AGBL4: variants seen among roughly 807,000 people sequenced by gnomAD.
The protein encoded by AGBL4 is AGBL carboxypeptidase 4.
A neutral mutation model predicts 66.4 loss-of-function variants in AGBL4; 58 were observed. The observed-to-expected ratio is 0.87, with a 90% CI of 0.71 to 1.09. The LOEUF (loss-of-function observed/expected upper bound fraction) is 1.09. Among genes scored for constraint, AGBL4 ranks in the 50% least tolerant of loss-of-function variants. The probability of loss-of-function intolerance (pLI) is 0.00; values close to 1 mark genes in which losing one functional copy is unlikely to be tolerated. For missense variants in AGBL4, 579 were observed against 631.0 expected (o/e 0.92, Z 0.88); for synonymous variants, 234 against 222.9 (o/e 1.05, Z -0.44).
At chr1:48,952,335 G>A (rs576797449) in intron 5 of AGBL4, among the ~76,000 whole-genome samples, 4 of 152,284 alleles carry the variant, frequency 2.6e-5, no homozygotes, top group South Asian at 4.1e-4. Flanking sequence ...TTCTAATACA[G>A]AGTAGAGGAA....
chr1:49,911,283 T>G (rs184148374), intron 1 of AGBL4, among the ~76,000 whole-genome samples: 6 of 152,230 alleles, frequency 3.9e-5, no homozygotes, highest in Admixed American at 6.5e-5. Context: ...AAGAAATACA[T>G]TATTTCTGTG....
chr1:49,464,955 T>C (rs1480589219), intron 3 of AGBL4, among the ~76,000 whole-genome samples: 2 of 151,570 alleles, frequency 1.3e-5, no homozygotes, highest in African/African-American at 4.8e-5. Flanking sequence ...AGGTACTGGA[T>C]AGGTTTCTAT....
intron 3 of AGBL4, among the ~76,000 whole-genome samples, chr1:49,376,465 G>GT (rs1638753632): frequency 6.6e-6 from 1 of 152,032 alleles, no homozygotes; most frequent in Admixed American, 6.6e-5. Context: ...ACATAAAAGA[G>GT]TTGTTACAGT....
At chr1:49,736,749 G>C (rs1215617645) in intron 2 of AGBL4, among the ~76,000 whole-genome samples, 1 of 151,632 alleles carries the variant, frequency 6.6e-6, no homozygotes, top group Admixed American at 6.6e-5. Context: ...AATGGGAGAA[G>C]ATACTTGCAA....
At chr1:49,403,500 A>G (rs1447993763) in intron 3 of AGBL4, among the ~76,000 whole-genome samples, 2 of 152,148 alleles carry the variant, frequency 1.3e-5, no homozygotes, top group African/African-American at 4.8e-5. Context: ...CTTCTCTGTT[A>G]TCTTGGATTT....
chr1:48,556,098 T>G (rs1230307434), intron 11 of AGBL4, among the ~76,000 whole-genome samples: 2 of 152,160 alleles, frequency 1.3e-5, no homozygotes, highest in Admixed American at 6.5e-5. Flanking sequence ...ATAGTGAATC[T>G]CCATTAAAAG....
chr1:49,877,457 A>G (rs1647051605), intron 1 of AGBL4, among the ~76,000 whole-genome samples: 1 of 151,698 alleles, frequency 6.6e-6, no homozygotes, highest in Non-Finnish European at 1.5e-5. Context: ...ATGCTGGATT[A>G]CATTTATTGA....
At chr1:49,839,657 G>C (rs1645939302) in intron 2 of AGBL4, among the ~76,000 whole-genome samples, 1 of 152,158 alleles carries the variant, frequency 6.6e-6, no homozygotes, top group African/African-American at 2.4e-5. Context: ...ACCAGAGAGA[G>C]GTGGAGTAGT....
At chr1:48,776,388 G>A (rs1270983113) in intron 6 of AGBL4, among the ~76,000 whole-genome samples, 1 of 152,186 alleles carries the variant, frequency 6.6e-6, no homozygotes, top group Non-Finnish European at 1.5e-5. Context: ...GGGAGCTTCG[G>A]GGAAGCGGGG....
At chr1:49,598,894 G>A (rs1456488138) in intron 3 of AGBL4, among the ~76,000 whole-genome samples, 1 of 152,112 alleles carries the variant, frequency 6.6e-6, no homozygotes, top group African/African-American at 2.4e-5. Context: ...TTTATGTGAT[G>A]GATTACATTT....
At position 48,736,313 on chromosome 1, in the gene AGBL4, C is replaced by T; in HGVS notation, c.635-73072G>A. ...ATCTTTCTTTTTTTTTGTGGCGACG[C>T]CTGTGACGCTTCTGTTTTTCAGAAC... On this transcript the variant is annotated intron_variant, in intron 6 of 13. Transcript: ENST00000371839. The surrounding 1 kb of genome is among the most constrained non-coding windows in gnomAD (Gnocchi z 4.0). 1 of 1,614,084 alleles carries T rather than the reference C, an allele frequency of 6.2e-7. No individual in the cohort carries two copies. The highest frequency in any genetic ancestry group is 8.5e-7 in the Non-Finnish European group (1 of 1,180,012).
At chr1:49,622,645 A>G (rs1295950129) in intron 3 of AGBL4, among the ~76,000 whole-genome samples, 11 of 150,862 alleles carry the variant, frequency 7.3e-5, no homozygotes, top group Non-Finnish European at 1.2e-4. Context: ...AAAAAAAAAA[A>G]AAAAAAAAAG....
intron 3 of AGBL4, among the ~76,000 whole-genome samples, chr1:49,401,333 T>C (rs184051186): frequency 6.6e-6 from 1 of 152,166 alleles, no homozygotes; most frequent in African/African-American, 2.4e-5. Flanking sequence ...TGTCTCCACC[T>C]GGTCTCATCC....
At chr1:48,751,203 C>T (rs146439229) in intron 6 of AGBL4, among the ~76,000 whole-genome samples, 29 of 152,244 alleles carry the variant, frequency 1.9e-4, no homozygotes, top group Middle Eastern at 3.4e-3. Flanking sequence ...TATCTTGAGG[C>T]CATGTTGCCT....
intron 3 of AGBL4, among the ~76,000 whole-genome samples, chr1:49,271,558 A>C (rs980447726): frequency 6.6e-6 from 1 of 151,678 alleles, no homozygotes; most frequent in African/African-American, 2.4e-5. Flanking sequence ...ACACACGTAC[A>C]TATACATATC....
intron 3 of AGBL4, among the ~76,000 whole-genome samples, chr1:49,662,109 G>A (rs977006048): frequency 6.6e-6 from 1 of 151,206 alleles, no homozygotes; most frequent in African/African-American, 2.4e-5. Flanking sequence ...CTATAACATG[G>A]GTGGAGGAGG....
chr1:48,597,614 A>C (rs1471464219), intron 9 of AGBL4, among the ~76,000 whole-genome samples: 3 of 151,456 alleles, frequency 2.0e-5, no homozygotes, highest in South Asian at 2.1e-4. Flanking sequence ...ATTGTCTTTC[A>C]AAAAGGAAAT....
intron 1 of AGBL4, among the ~76,000 whole-genome samples, chr1:49,921,036 A>G (rs917584581): frequency 6.6e-6 from 1 of 152,320 alleles, no homozygotes; most frequent in Admixed American, 6.5e-5. Context: ...CGGGAACTGA[A>G]CAATGAGAAC....
intron 1 of AGBL4, among the ~76,000 whole-genome samples, chr1:49,862,690 C>T (rs375737804): frequency 1.8e-4 from 28 of 152,176 alleles, no homozygotes; most frequent in Admixed American, 1.4e-3. Context: ...ATACACCTGG[C>T]GGCAGACTTT....
Sources: gnomAD v4.1 joint callset for allele counts (sites outside exome capture counted in the v4.1 genomes callset) on GRCh38, gnomAD v4.1.1 for gene constraint, Gnocchi (gnomAD v3.1) non-coding constraint, MANE v1.5 for transcripts, NCBI Gene and HGNC (gene_info 2026-07-23, HGNC 2026-07-21) for gene names.